The following TULP4 variants were observed in gnomAD, a reference collection of about 807,000 sequenced individuals.
TULP4 encodes the protein TUB like protein 4.
Under a neutral mutation model 129.0 loss-of-function variants are expected in TULP4, and 16 were observed. The ratio of observed to expected loss-of-function variants is 0.12; its 90% confidence interval spans 0.08 to 0.19. The LOEUF (loss-of-function observed/expected upper bound fraction) is 0.19, where lower values mean the gene tolerates loss of function less well. Among genes scored for constraint, TULP4 ranks in the 10% least tolerant of loss-of-function variants. The pLI, the probability that TULP4 is intolerant of heterozygous loss-of-function variation, is 1.00. For missense variants in TULP4, 1,842 were observed against 2,059.1 expected, an observed-to-expected ratio of 0.89 and a Z score of 2.04; for synonymous variants, 998 against 854.0, an observed-to-expected ratio of 1.17 and a Z score of -2.94.
At position 158,379,521 on chromosome 6, in the gene TULP4, G is replaced by A. The variant is rs149193263; in HGVS notation, c.253-33544G>A. Among the ~76,000 whole-genome samples, 643 of 152,310 alleles carry A rather than the reference G, an allele frequency of 4.2e-3. 3 individuals carry two copies. Among genetic ancestry groups the A allele is most frequent in the Non-Finnish European group, 7.0e-3 (476 of 68,036 alleles). On this transcript the variant is annotated intron_variant, in intron 1 of 13. Coordinates refer to ENST00000367097, the MANE Select transcript of TULP4 (RefSeq NM_020245.5). The stretch of plus-strand genomic sequence containing the variant: ...GGGGCAGAGTGTAATGTTTCATGAC[G>A]GTTTAAAGAATGTGGCTCAGGGAGT...
chr6:158,393,792 A>G (rs1235403735), intron 1 of TULP4, among the ~76,000 whole-genome samples: 2 of 152,220 alleles, frequency 1.3e-5, no homozygotes, highest in African/African-American at 4.8e-5. Context: ...GAGCTGTGAT[A>G]GGACGGGCTG....
chr6:158,324,105 A>G (rs1214160466), intron 1 of TULP4, among the ~76,000 whole-genome samples: 8 of 152,182 alleles, frequency 5.3e-5, no homozygotes, highest in African/African-American at 1.2e-4. Flanking sequence ...AACCGATAAA[A>G]TGCACTTACT....
chr6:158,463,608 C>T (rs1419454168), intron 6 of TULP4, among the ~76,000 whole-genome samples: 2 of 149,818 alleles, frequency 1.3e-5, no homozygotes, highest in Non-Finnish European at 3.0e-5. Context: ...AACAAACCTG[C>T]ACATTGTGCA....
chr6:158,487,689 A>G (rs542523880), intron 8 of TULP4, among the ~76,000 whole-genome samples: 116 of 152,390 alleles, frequency 7.6e-4, no homozygotes, highest in African/African-American at 2.7e-3. Flanking sequence ...TGTGGAGCTT[A>G]TGTCATGCAC....
intron 1 of TULP4, among the ~76,000 whole-genome samples, chr6:158,299,934 T>C (rs1239297834): frequency 6.6e-6 from 1 of 152,158 alleles, no homozygotes; most frequent in Non-Finnish European, 1.5e-5. Context: ...GGGGATGTTA[T>C]TTTCAGGCTA....
chr6:158,432,763 T>C (rs1778660240), intron 3 of TULP4, among the ~76,000 whole-genome samples: 1 of 152,206 alleles, frequency 6.6e-6, no homozygotes, highest in African/African-American at 2.4e-5. Context: ...TTGCCAACTT[T>C]CTATTATGAA....
chr6:158,388,040 T>TAAGA (rs1777490655), intron 1 of TULP4, among the ~76,000 whole-genome samples: 1 of 152,194 alleles, frequency 6.6e-6, no homozygotes, highest in African/African-American at 2.4e-5. Flanking sequence ...GAACAGCTAA[T>TAAGA]CAGTTCTACT....
chr6:158,299,057 G>C (rs1400677073), intron 1 of TULP4, among the ~76,000 whole-genome samples: 1 of 152,052 alleles, frequency 6.6e-6, no homozygotes, highest in East Asian at 1.9e-4. Context: ...CATACTTGCA[G>C]TCTGGACATG....
intron 1 of TULP4, among the ~76,000 whole-genome samples, chr6:158,290,086 G>A (rs539405959): frequency 6.6e-6 from 1 of 151,870 alleles, no homozygotes; most frequent in Non-Finnish European, 1.5e-5. Context: ...ATAGGCGCAT[G>A]CCACCATGCT....
At chr6:158,429,363 T>G (rs1161114407) in intron 2 of TULP4, among the ~76,000 whole-genome samples, 1 of 152,250 alleles carries the variant, frequency 6.6e-6, no homozygotes, top group Non-Finnish European at 1.5e-5. Context: ...GGTCTCAAAC[T>G]CCTGACCTCA....
chr6:158,338,547 A>G (rs150182612), intron 1 of TULP4, among the ~76,000 whole-genome samples: 68 of 152,312 alleles, frequency 4.5e-4, no homozygotes, highest in African/African-American at 1.6e-3. Flanking sequence ...ACCGTTCCAA[A>G]GCTGGGCAGT....
chr6:158,274,392 C>T (rs1400581449), intron 1 of TULP4, among the ~76,000 whole-genome samples: 1 of 152,234 alleles, frequency 6.6e-6, no homozygotes. Context: ...ATCACTGCAG[C>T]AGCCTCCTGC....
intron 1 of TULP4, among the ~76,000 whole-genome samples, chr6:158,328,137 C>T (rs1443111063): frequency 1.1e-4 from 8 of 73,414 alleles, no homozygotes; most frequent in Non-Finnish European, 5.6e-5. Flanking sequence ...TGCGTGCGTG[C>T]TGGGAAAGAG....
At chr6:158,304,394 A>G (rs1370401501) in intron 1 of TULP4, among the ~76,000 whole-genome samples, 1 of 152,192 alleles carries the variant, frequency 6.6e-6, no homozygotes, top group Non-Finnish European at 1.5e-5. Flanking sequence ...ATATACAGGA[A>G]TGTTCTGAAA....
chr6:158,306,610 A>G (rs962410719), intron 1 of TULP4, among the ~76,000 whole-genome samples: 3 of 152,236 alleles, frequency 2.0e-5, no homozygotes, highest in Non-Finnish European at 4.4e-5. Flanking sequence ...GAGTTAGTAT[A>G]TGTCTGTGAT....
chr6:158,239,415 A>AC (rs1253126560), intron 1 of TULP4, among the ~76,000 whole-genome samples: 2 of 29,458 alleles, frequency 6.8e-5, no homozygotes, highest in Non-Finnish European at 1.4e-4. Context: ...CGGGGGGCTG[A>AC]CCCCCCCACC....
At chr6:158,272,303 C>T (rs1778566241) in intron 1 of TULP4, among the ~76,000 whole-genome samples, 1 of 152,234 alleles carries the variant, frequency 6.6e-6, no homozygotes, top group Non-Finnish European at 1.5e-5. Flanking sequence ...TTCTTCCTCC[C>T]TTCCTGCCCC....
At position 158,429,435 on chromosome 6, in the gene TULP4, G is replaced by A. The variant is rs1416833481; in HGVS notation, c.382-301G>A. Among the ~76,000 whole-genome samples, 12 of 152,244 alleles carry A rather than the reference G, an allele frequency of 7.9e-5. No individual in the cohort carries two copies. The South Asian group carries it at 1.0e-3, about 13-fold the overall frequency. Reference sequence around the variant, plus strand: ...ATTACAGGCATGAGCCACTTTACCCGGCCCCGACTAATTCTTAAAATTTTT... The same window carrying A: ...ATTACAGGCATGAGCCACTTTACCCAGCCCCGACTAATTCTTAAAATTTTT... On this transcript the variant is annotated intron_variant, in intron 2 of 13. Coordinates refer to ENST00000367097, the MANE Select transcript of TULP4 (RefSeq NM_020245.5).
chr6:158,241,742 G>A (rs1777919628), intron 1 of TULP4: 9 of 411,928 alleles, frequency 2.2e-5, no homozygotes, highest in Admixed American at 1.1e-4. Flanking sequence ...CTACAGGCAC[G>A]CACCATCACG....
Sources: allele counts gnomAD v4.1 joint callset (sites outside exome capture counted in the v4.1 genomes callset), GRCh38; gene constraint gnomAD v4.1.1; transcripts MANE v1.5; gene names NCBI Gene and HGNC (gene_info 2026-07-23, HGNC 2026-07-21).